The following POLG2 variants were observed in gnomAD, a reference collection of about 807,000 sequenced individuals.
POLG2 encodes the protein DNA polymerase gamma 2, accessory subunit, also known as DNA polymerase subunit gamma-2.
POLG2 carries 50 observed loss-of-function variants against 56.5 expected under a neutral mutation model. That is an observed-to-expected ratio of 0.88 (90% CI 0.71 to 1.12). The LOEUF (loss-of-function observed/expected upper bound fraction) is 1.12. Ranked by LOEUF, POLG2 falls within the 50% of genes most tolerant of loss-of-function variation. The pLI is 0.00. For missense variants in POLG2, 584 were observed against 583.3 expected (o/e 1.00, Z -0.01); for synonymous variants, 226 against 222.6 (o/e 1.02, Z -0.14).
chr17:64,484,838 C>T (rs930376407), intron 5 of POLG2, among the ~76,000 whole-genome samples: 41 of 152,144 alleles, frequency 2.7e-4, no homozygotes, highest in Admixed American at 7.9e-4. Flanking sequence ...TTCCTACAAA[C>T]TCATGGTTCC....
At chr17:64,492,030 G>A (rs976297131) in intron 3 of POLG2, among the ~76,000 whole-genome samples, 10 of 151,984 alleles carry the variant, frequency 6.6e-5, no homozygotes, top group Non-Finnish European at 1.3e-4. Flanking sequence ...TTTTTAGTAG[G>A]AAAGAACTAC....
intron 6 of POLG2, chr17:64,481,424 A>C: frequency 1.0e-6 from 1 of 985,340 alleles, no homozygotes; most frequent in African/African-American, 1.7e-5. Context: ...CCCAGACAGA[A>C]ATGACGACTG....
chr17:64,490,988 G>C lies in POLG2; in HGVS notation c.796-19C>G. ...TGGCAAACTGGAAAAGAAAATTTAA[G>C]TTTGTCTTAACATATTTAAATAAAC... is the stretch of plus-strand genomic sequence containing the variant. On this transcript the variant is annotated intron_variant, in intron 3 of 7. Coordinates refer to ENST00000539111, the MANE Select transcript of POLG2 (RefSeq NM_007215.4). 6.3e-7 allele frequency: 1 copy of C among 1,591,752 alleles called. No homozygotes were observed. The highest frequency in any genetic ancestry group is 8.6e-7 in the Non-Finnish European group (1 of 1,159,790).
intron 3 of POLG2, 37 bp downstream of exon 3, chr17:64,492,626 TTATG>T: frequency 8.7e-7 from 1 of 1,153,082 alleles, no homozygotes; most frequent in Non-Finnish European, 1.3e-6. Flanking sequence ...TTAAGACAAT[TTATG>T]TATTAACTAT....
At chr17:64,478,364 T>C (rs868946113) in intron 7 of POLG2, among the ~76,000 whole-genome samples, 6 of 152,186 alleles carry the variant, frequency 3.9e-5, no homozygotes, top group Non-Finnish European at 5.9e-5. Context: ...AACAATATTA[T>C]AATAAAGATG....
At chr17:64,478,995 G>T (rs1555666025) in intron 7 of POLG2, among the ~76,000 whole-genome samples, 1 of 151,974 alleles carries the variant, frequency 6.6e-6, no homozygotes, top group East Asian at 1.9e-4. Flanking sequence ...AATATCCTGG[G>T]ACAATAAAAC....
intron 5 of POLG2, chr17:64,485,390 G>A (rs2037933103): frequency 6.7e-6 from 2 of 298,358 alleles, no homozygotes; most frequent in South Asian, 3.3e-5. Context: ...TCCCTGATCC[G>A]GGTCTTTCTT....
In POLG2 at chr17:64,492,680, T is replaced by C; in HGVS notation, c.782A>G (p.Gln261Arg). 6.2e-7 allele frequency: 1 copy of C among 1,603,252 alleles called. No homozygotes were observed. Among genetic ancestry groups the C allele is most frequent in the Non-Finnish European group, 8.5e-7 (1 of 1,170,908 alleles). Residue 261 changes from glutamine (Q) to arginine (R), a missense_variant, in exon 3 of 8, where the codon CAG (glutamine) becomes CGG (arginine). Gln to Arg is a conservative substitution (Grantham distance 43, BLOSUM62 1). Transcript: ENST00000539111. ...WLDFWLRHRL[Q>R]WWRKFAMSPS... The stretch of plus-strand genomic sequence containing the variant: ...TTATTGCAGTACCTTTCTCCACCAC[T>C]GGAGTCGATGACGTAACCAGAAATC...
Position 64,490,027 on chromosome 17 carries a change from C to T in POLG2, c.969+769G>A, listed in dbSNP as rs188039527. ...GCAACCTCCACCTCCCGGGTTCAAG[C>T]GATTCTCCTGCCTCAGCCTCCCAAG... is the stretch of plus-strand genomic sequence containing the variant. On this transcript the variant is annotated intron_variant, in intron 4 of 7. Coordinates refer to ENST00000539111, the MANE Select transcript of POLG2 (RefSeq NM_007215.4). 2.0e-5 allele frequency among the ~76,000 whole-genome samples: 3 copies of T among 151,964 alleles called. No individual in the cohort carries two copies. In the East Asian group the frequency reaches 5.8e-4, roughly 29 times the overall value.
chr17:64,481,430 G>A (rs782348675), intron 6 of POLG2: 32 of 984,992 alleles, frequency 3.2e-5, no homozygotes, highest in South Asian at 4.7e-5. Flanking sequence ...CAGAAATGAC[G>A]ACTGCTGAAG....
chr17:64,496,727 C>G lies in POLG2; in HGVS notation c.242G>C (p.Gly81Ala). Reference protein sequence around the residue: ...EICQRRHFLSGSKQQLSRDSL... With the variant: ...EICQRRHFLSASKQQLSRDSL... ...ATCCCGGCTAAGCTGCTGCTTGCTT[C>G]CACTTAGGAAATGCCTTCTCTGACA... Residue 81 changes from glycine to alanine, a missense_variant, in exon 1 of 8, where the codon GGA becomes GCA. Gly to Ala is a moderately conservative substitution (Grantham distance 60). Transcript: ENST00000539111. The G allele has an allele frequency of 8.1e-6, 13 of 1,614,092 alleles. No individual in the cohort carries two copies. Among genetic ancestry groups the G allele is most frequent in the Non-Finnish European group, 1.0e-5 (12 of 1,180,020 alleles).
intron 7 of POLG2, among the ~76,000 whole-genome samples, chr17:64,479,885 A>G (rs1555666164): frequency 6.6e-6 from 1 of 152,182 alleles, no homozygotes; most frequent in Non-Finnish European, 1.5e-5. Context: ...CCCTTAGAAG[A>G]CTAGAACAGA....
intron 4 of POLG2, among the ~76,000 whole-genome samples, chr17:64,489,916 CTAGT>C (rs1430139669): frequency 4.6e-5 from 7 of 151,884 alleles, no homozygotes; most frequent in Admixed American, 2.0e-4. Flanking sequence ...TTATTAATTA[CTAGT>C]TAATTTTTTT....
chr17:64,492,749 G>T lies in POLG2; in HGVS notation c.713C>A (p.Ser238Ter), dbSNP rs782716235. 45 of 1,612,444 alleles carry T rather than the reference G, an allele frequency of 2.8e-5. No individual in the cohort carries two copies. Among genetic ancestry groups the T allele is most frequent in the Non-Finnish European group, 1.3e-5 (15 of 1,178,960 alleles). Residue 238 changes from serine to a stop codon, truncating the protein, a stop_gained, in exon 3 of 8, where the codon TCG becomes TAG. Coordinates refer to ENST00000539111, the MANE Select transcript of POLG2 (RefSeq NM_007215.4). LOFTEE classifies it high-confidence loss of function. ...TCTCGGAGGAGTAAACCATACTAAC[G>T]AAGCTTCAGTCTTCTCACCAATACT... is the stretch of plus-strand genomic sequence containing the variant. ...VKSIGEKTEA[S>*]LVWFTPPRTS...
intron 5 of POLG2, among the ~76,000 whole-genome samples, chr17:64,483,375 A>AGGTAT (rs1433554419): frequency 6.6e-6 from 1 of 151,994 alleles, no homozygotes; most frequent in East Asian, 1.9e-4. Context: ...AAAATTAGCT[A>AGGTAT]GGTATGGCGC....
At chr17:64,493,588 C>T (rs1272741084) in intron 1 of POLG2, among the ~76,000 whole-genome samples, 1 of 151,984 alleles carries the variant, frequency 6.6e-6, no homozygotes, top group Non-Finnish European at 1.5e-5. Flanking sequence ...GGGTTCATGC[C>T]ATTCTCCTGC....
Position 64,477,888 on chromosome 17 carries a change from T to C in POLG2, c.1393A>G (p.Met465Val). 4.3e-6 allele frequency: 7 copies of C among 1,613,648 alleles called. No homozygotes were observed. The highest frequency in any genetic ancestry group is 5.9e-6 in the Non-Finnish European group (7 of 1,179,820). The change falls in exon 8 of 8, where the codon ATG (methionine) becomes GTG (valine). Residue 465 changes from methionine to valine, a missense_variant. Coordinates refer to ENST00000539111, the MANE Select transcript of POLG2 (RefSeq NM_007215.4). ...LRSRDTTMKE[M>V]MHISKLKDFL... Reference sequence around the variant, plus strand: ...TCTTTTAATTTGGATATATGCATCATTTCCTTCATTGTGGTGTCTCTGCTT... The same window carrying C: ...TCTTTTAATTTGGATATATGCATCACTTCCTTCATTGTGGTGTCTCTGCTT...
At chr17:64,491,457 C>A in intron 3 of POLG2, 1 of 957,516 alleles carries the variant, frequency 1.0e-6, no homozygotes, top group African/African-American at 1.6e-5. Flanking sequence ...TTGCAGTGAG[C>A]TGTGATTGTG....
intron 7 of POLG2, among the ~76,000 whole-genome samples, chr17:64,479,267 T>C (rs1181779150): frequency 6.9e-6 from 1 of 145,022 alleles, no homozygotes; most frequent in East Asian, 2.2e-4. Context: ...CACTGCAACC[T>C]CCGCCTCCTG....
Sources: gnomAD v4.1 joint callset for allele counts (sites outside exome capture counted in the v4.1 genomes callset) on GRCh38, gnomAD v4.1.1 for gene constraint, MANE v1.5 for transcripts, NCBI Gene and HGNC (gene_info 2026-07-23, HGNC 2026-07-21) for gene names.